Variants in DYTN observed in about 807,000 individuals in gnomAD.
DYTN encodes dystrotelin.
A neutral mutation model predicts 69.6 loss-of-function variants in DYTN; 75 were observed. The observed-to-expected ratio is 1.08, with a 90% confidence interval of 0.89 to 1.31. The LOEUF is 1.31. Among genes scored for constraint, DYTN ranks in the 50% most tolerant of loss-of-function variants. The pLI is 0.00. For synonymous variants in DYTN, 252 were observed against 249.1 expected (o/e 1.01, Z -0.11); for missense variants, 726 against 688.4 (o/e 1.05, Z -0.61).
At chr2:206,708,004 T>C (rs1219273716) in intron 2 of DYTN, among the ~76,000 whole-genome samples, 1 of 152,178 alleles carries the variant, frequency 6.6e-6, no homozygotes, top group Non-Finnish European at 1.5e-5. Context: ...AAAACAGTGA[T>C]CTTCATAAAA....
chr2:206,660,560 T>C (rs1699500997), intron 11 of DYTN, among the ~76,000 whole-genome samples: 1 of 152,232 alleles, frequency 6.6e-6, no homozygotes, highest in Admixed American at 6.5e-5. Context: ...AAGTCCAAAC[T>C]TTTGGTGAAA....
chr2:206,704,814 T>C (rs757793437), intron 5 of DYTN, 29 bp downstream of exon 5: 13 of 1,572,722 alleles, frequency 8.3e-6, no homozygotes, highest in South Asian at 2.3e-5. Context: ...CTGAAACAAA[T>C]GTACAGTTCT....
chr2:206,702,884 G>C (rs1001623238), intron 5 of DYTN, among the ~76,000 whole-genome samples: 1 of 152,118 alleles, frequency 6.6e-6, no homozygotes, highest in African/African-American at 2.4e-5. Context: ...GTTCTAGGAA[G>C]AATTAAACAT....
intron 9 of DYTN, among the ~76,000 whole-genome samples, chr2:206,685,409 C>T (rs1699795785): frequency 6.6e-6 from 1 of 152,078 alleles, no homozygotes; most frequent in South Asian, 2.1e-4. Flanking sequence ...GCGATCCTCC[C>T]ATTTCTGCCT....
chr2:206,679,086 G>A (rs1382812533), intron 9 of DYTN: 1 of 151,990 alleles, frequency 6.6e-6, no homozygotes, highest in East Asian at 1.9e-4. Context: ...TATAGGCTTG[G>A]AGGCACCTGT....
chr2:206,707,180 C>T, intron 3 of DYTN, 122 bp downstream of exon 3: 2 of 1,246,648 alleles, frequency 1.6e-6, no homozygotes, highest in Non-Finnish European at 2.2e-6. Flanking sequence ...TTGTGAAAAA[C>T]AAACAAAGAA....
intron 9 of DYTN, among the ~76,000 whole-genome samples, chr2:206,674,966 C>A (rs1699667533): frequency 6.6e-6 from 1 of 151,616 alleles, no homozygotes; most frequent in South Asian, 2.1e-4. Context: ...AGAAATGCCC[C>A]CACTAAATCT....
At position 206,663,091 on chromosome 2, in the gene DYTN, C is replaced by T. The variant is rs79969810; in HGVS notation, c.1445G>A (p.Ser482Asn). 4 of 1,613,848 alleles carry T rather than the reference C, an allele frequency of 2.5e-6. No homozygotes were observed. In the East Asian group the frequency reaches 8.9e-5, roughly 36 times the overall value. ...MPQKVISALP[S>N]YQEGLKQDIP... ...GTCCTGCTTCAGTCCCTCCTGATAA[C>T]TGGGTAGGGCACTAATGACTTTCTG... The change falls in exon 11 of 12, where the codon AGT (serine) becomes AAT (asparagine). Residue 482 changes from serine (S) to asparagine (N), a missense_variant. Ser to Asn is a conservative substitution (Grantham distance 46). Transcript: ENST00000452335.
In DYTN at chr2:206,699,907, C is replaced by T. The variant is rs759548052; in HGVS notation, c.556-17G>A. 3.7e-6 allele frequency: 6 copies of T among 1,606,380 alleles called. No individual in the cohort carries two copies. The East Asian group carries it at 8.9e-5, about 24-fold the overall frequency. On this transcript the variant is annotated splice_polypyrimidine_tract_variant and intron_variant, in intron 6 of 11. Transcript: ENST00000452335. ...GCTCAACACCTGAAAAACAATGGCA[C>T]TCTAAGATGTGTTTTTAGGCACGAC...
intron 11 of DYTN, among the ~76,000 whole-genome samples, chr2:206,662,216 G>A (rs992446023): frequency 4.6e-5 from 7 of 152,170 alleles, no homozygotes; most frequent in African/African-American, 1.7e-4. Flanking sequence ...TTTAAGGTAG[G>A]TCGGTTAAGC....
chr2:206,662,084 G>T (rs374965125), intron 11 of DYTN, among the ~76,000 whole-genome samples: 1 of 152,284 alleles, frequency 6.6e-6, no homozygotes, highest in East Asian at 1.9e-4. Flanking sequence ...ATGATCAGTA[G>T]TCTACTCCAC....
rs573951531 is a variant in DYTN, at chr2:206,714,162, G to C, written c.20-3564C>G. Among the ~76,000 whole-genome samples the C allele has an allele frequency of 3.9e-4, 59 of 152,238 alleles. No homozygotes were observed. In the South Asian group the frequency reaches 0.012, roughly 31 times the overall value. On this transcript the variant is annotated intron_variant, in intron 1 of 11. Transcript: ENST00000452335. ...GTCTAAGCTATTTTCACTCCTCTGG[G>C]AGATCTAACAGTGTCTCTGTGTTTA...
intron 11 of DYTN, among the ~76,000 whole-genome samples, chr2:206,652,650 CCT>C (rs1452728310): frequency 1.2e-4 from 18 of 151,930 alleles, no homozygotes; most frequent in African/African-American, 4.3e-4. Flanking sequence ...GCATTTGTAC[CCT>C]GAGATATTAT....
chr2:206,697,508 G>C (rs1004773893), intron 7 of DYTN, among the ~76,000 whole-genome samples: 3 of 152,206 alleles, frequency 2.0e-5, no homozygotes, highest in African/African-American at 7.2e-5. Flanking sequence ...CAAAGCTACT[G>C]GTTGAGTTTT....
At chr2:206,703,045 A>G (rs1219012906) in intron 5 of DYTN, among the ~76,000 whole-genome samples, 3 of 152,154 alleles carry the variant, frequency 2.0e-5, no homozygotes, top group Non-Finnish European at 1.5e-5. Context: ...GATAATTTCT[A>G]TGCAAATCTC....
intron 9 of DYTN, among the ~76,000 whole-genome samples, chr2:206,681,281 A>G (rs1699747647): frequency 6.6e-6 from 1 of 152,074 alleles, no homozygotes; most frequent in Admixed American, 6.6e-5. Flanking sequence ...GGGCTGAGAC[A>G]ATGGGGCTTT....
intron 9 of DYTN, among the ~76,000 whole-genome samples, chr2:206,675,439 TC>T (rs1699675367): frequency 6.6e-6 from 1 of 151,264 alleles, no homozygotes; most frequent in Admixed American, 6.6e-5. Context: ...GTTTCTCTTT[TC>T]AGGGTAACTA....
intron 2 of DYTN, among the ~76,000 whole-genome samples, chr2:206,710,109 T>G (rs1267516286): frequency 4.6e-5 from 7 of 152,348 alleles, no homozygotes; most frequent in African/African-American, 1.7e-4. Flanking sequence ...AGGTACAACT[T>G]GAAAATGCAA....
intron 1 of DYTN, among the ~76,000 whole-genome samples, chr2:206,711,899 G>C (rs941034511): frequency 6.6e-6 from 1 of 152,020 alleles, no homozygotes; most frequent in Non-Finnish European, 1.5e-5. Flanking sequence ...CTATAACAAC[G>C]TTACAACGGA....
Sources: gnomAD v4.1 joint callset for allele counts (sites outside exome capture counted in the v4.1 genomes callset) on GRCh38, gnomAD v4.1.1 for gene constraint, MANE v1.5 for transcripts, NCBI Gene and HGNC (gene_info 2026-07-23, HGNC 2026-07-21) for gene names.